The following AKT1 variants were observed in gnomAD, a reference collection of about 807,000 sequenced individuals.
AKT1 encodes the protein AKT serine/threonine kinase 1, also known as RAC-alpha serine/threonine-protein kinase.
Under a neutral mutation model 63.1 loss-of-function variants are expected in AKT1, and 21 were observed. The ratio of observed to expected loss-of-function variants is 0.33; its 90% CI spans 0.24 to 0.48. AKT1 has a LOEUF of 0.48. AKT1 is among the 20% of genes least tolerant of loss of function. The probability of loss-of-function intolerance (pLI) is 0.99; values close to 1 mark genes in which losing one functional copy is unlikely to be tolerated. For synonymous variants in AKT1, 257 were observed against 253.1 expected, an observed-to-expected ratio of 1.02 and a Z score of -0.15; for missense variants, 382 against 666.0, an observed-to-expected ratio of 0.57 and a Z score of 4.69.
intron 1 of AKT1, chr14:104,794,466 G>A (rs1893787838): frequency 6.6e-6 from 1 of 152,262 alleles, no homozygotes; most frequent in African/African-American, 2.4e-5. Context: ...TGGGGGCGGA[G>A]GGACCCCGAC....
intron 13 of AKT1, chr14:104,772,043 C>T (rs1292965144): frequency 1.0e-5 from 5 of 498,368 alleles, no homozygotes; most frequent in South Asian, 6.8e-5. Flanking sequence ...CACTGCACAG[C>T]GTCAGGGAAG....
Position 104,773,580 on chromosome 14 carries a change from G to C in AKT1, c.703C>G (p.Leu235Val), listed in dbSNP as rs770980034. ...FVMEYANGGE[L>V]FFHLSRERVF... ...CGCTCCCGGGACAGGTGGAAGAACAGCTGCGGGAGGCGCAACCTGAGGCAC... is the reference window on the plus strand; with the variant it reads ...CGCTCCCGGGACAGGTGGAAGAACACCTGCGGGAGGCGCAACCTGAGGCAC... Residue 235 changes from leucine to valine, a missense_variant and splice_region_variant, in exon 10 of 15, where the codon CTG (leucine) becomes GTG (valine). Transcript: ENST00000649815. 13 of 1,602,930 alleles carry C rather than the reference G, an allele frequency of 8.1e-6. No homozygotes were observed. The African/African-American group carries it at 1.5e-4, about 18-fold the overall frequency.
chr14:104,775,440 G>C, intron 6 of AKT1: 1 of 1,065,386 alleles, frequency 9.4e-7, no homozygotes, highest in Non-Finnish European at 1.3e-6. Context: ...CATTGCCCAA[G>C]CCTGGCAGGG....
At chr14:104,776,999 T>C in intron 4 of AKT1, 1 of 509,468 alleles carries the variant, frequency 2.0e-6, no homozygotes, top group South Asian at 2.2e-5. Context: ...ACACAGGGCA[T>C]CTGGCCCGGC....
rs1461937719 is a variant in AKT1, at chr14:104,792,587, C to T, written c.46+11G>A. The T allele has an allele frequency of 2.5e-6, 4 of 1,612,044 alleles. No individual in the cohort carries two copies. The highest frequency in any genetic ancestry group is 2.2e-5 in the East Asian group (1 of 44,868). On this transcript the variant is annotated intron_variant, in intron 3 of 14. Transcript: ENST00000649815. ...CCCTCCCCAGGCCCAGCCCTGGCAGCGGGTACTAACCTCGTTTGTGCAGCC... is the reference window on the plus strand; with the variant it reads ...CCCTCCCCAGGCCCAGCCCTGGCAGTGGGTACTAACCTCGTTTGTGCAGCC...
chr14:104,787,317 T>C (rs1330279426), intron 3 of AKT1, among the ~76,000 whole-genome samples: 2 of 152,116 alleles, frequency 1.3e-5, no homozygotes, highest in African/African-American at 2.4e-5. Context: ...CAGGGCCCTC[T>C]GCCAACCTGC....
At chr14:104,791,255 G>A (rs1318513843) in intron 3 of AKT1, among the ~76,000 whole-genome samples, 2 of 152,108 alleles carry the variant, frequency 1.3e-5, no homozygotes, top group East Asian at 1.9e-4. Flanking sequence ...GGCCAGGGTC[G>A]GGGCAGGGGG....
At chr14:104,770,907 C>A (rs1892348778) in intron 13 of AKT1, 60 bp from the exon 14 acceptor site, 1 of 1,438,832 alleles carries the variant, frequency 7.0e-7, no homozygotes, top group African/African-American at 1.4e-5. Context: ...AGCACACCCT[C>A]AAGTGTGCTC....
intron 3 of AKT1, among the ~76,000 whole-genome samples, chr14:104,782,510 G>A (rs1233723661): frequency 6.6e-6 from 1 of 152,208 alleles, no homozygotes; most frequent in Non-Finnish European, 1.5e-5. Flanking sequence ...GGTTCTGGGA[G>A]CTGGATCTGG....
In AKT1 at chr14:104,775,012, C is replaced by T; in HGVS notation, c.568-9G>A. 6.2e-7 allele frequency: 1 copy of T among 1,613,350 alleles called. No individual in the cohort carries two copies. The highest frequency in any genetic ancestry group is 8.5e-7 in the Non-Finnish European group (1 of 1,179,766). On this transcript the variant is annotated splice_polypyrimidine_tract_variant and intron_variant, in intron 7 of 14. Coordinates refer to ENST00000649815, the MANE Select transcript of AKT1 (RefSeq NM_001382430.1). ...GTGTGGGCCACCTCGTCCTGTAAAG[C>T]AGGGCTGGGTGAGCTGCCACCCCGC... is the stretch of plus-strand genomic sequence containing the variant.
chr14:104,790,625 G>A (rs889019281), intron 3 of AKT1, among the ~76,000 whole-genome samples: 15 of 152,206 alleles, frequency 9.9e-5, no homozygotes, highest in Non-Finnish European at 1.8e-4. Context: ...CAACAAGAGG[G>A]GCTATGCCTG....
chr14:104,782,794 G>A lies in AKT1; in HGVS notation c.47-2578C>T, dbSNP rs537114764. ...CCAGCACACAGACCCCTCCAGGGGA[G>A]GAGCAGGATCCCCAGGGACCCGGGG... On this transcript the variant is annotated intron_variant, in intron 3 of 14. Coordinates refer to ENST00000649815, the MANE Select transcript of AKT1 (RefSeq NM_001382430.1). 1.1e-4 allele frequency among the ~76,000 whole-genome samples: 16 copies of A among 152,302 alleles called. No individual in the cohort carries two copies. The South Asian group carries it at 2.1e-3, about 20-fold the overall frequency.
At position 104,775,192 on chromosome 14, in the gene AKT1, CA is replaced by C; in HGVS notation, c.450del (p.Phe150LeufsTer4). ...KPKHRVTMNE[F>X]EYLKLLGKGT... The stretch of plus-strand genomic sequence containing the variant: ...CCCTTGCCCAGCAGCTTCAGGTACT[CA>C]AACTCGTTCATGGTCTATGGGCAGG... On this transcript the variant is annotated frameshift_variant, in exon 7 of 15. Transcript: ENST00000649815. LOFTEE classifies it high-confidence loss of function. 6.2e-7 allele frequency: 1 copy of C among 1,614,036 alleles called. No homozygotes were observed. The highest frequency in any genetic ancestry group is 8.5e-7 in the Non-Finnish European group (1 of 1,180,038).
intron 9 of AKT1, 60 bp from the exon 10 acceptor site, chr14:104,773,640 AG>A (rs1892533204): frequency 1.3e-6 from 2 of 1,554,578 alleles, no homozygotes; most frequent in African/African-American, 2.7e-5. Context: ...CATGGCCTGC[AG>A]GGCTGGGGTT....
chr14:104,774,270 G>T (rs911016493), intron 8 of AKT1: 1 of 482,906 alleles, frequency 2.1e-6, no homozygotes, highest in Non-Finnish European at 3.8e-6. Context: ...CTCATGCCAC[G>T]CCACCATCAG....
intron 3 of AKT1, among the ~76,000 whole-genome samples, chr14:104,788,249 CTG>C (rs1893435962): frequency 6.6e-6 from 1 of 152,198 alleles, no homozygotes; most frequent in Admixed American, 6.5e-5. Context: ...CTGGGAAAAA[CTG>C]AGGCCCAGGA....
At chr14:104,774,567 A>C in intron 8 of AKT1, 3 of 281,152 alleles carry the variant, frequency 1.1e-5, no homozygotes, top group East Asian at 7.0e-5. Context: ...CCTTCACAGT[A>C]AATACCTCCT....
chr14:104,780,052 C>A (rs750000813), intron 4 of AKT1, 36 bp downstream of exon 4: 2 of 1,606,912 alleles, frequency 1.2e-6, no homozygotes, highest in South Asian at 1.1e-5. Flanking sequence ...GCCAACCCCC[C>A]AAATCTGAAT....
chr14:104,779,261 C>T (rs1446643458), intron 4 of AKT1, among the ~76,000 whole-genome samples: 1 of 152,248 alleles, frequency 6.6e-6, no homozygotes, highest in South Asian at 2.1e-4. Context: ...CCAAGGTCCC[C>T]CGCTGGCCTT....
Sources: allele counts gnomAD v4.1 joint callset (sites outside exome capture counted in the v4.1 genomes callset), GRCh38; gene constraint gnomAD v4.1.1; transcripts MANE v1.5; gene names NCBI Gene and HGNC (gene_info 2026-07-23, HGNC 2026-07-21).